The following TBX5 variants were observed in gnomAD, a reference collection of about 807,000 sequenced individuals.
TBX5 encodes the protein T-box transcription factor 5.
A neutral mutation model predicts 51.1 loss-of-function variants in TBX5; 8 were observed. The ratio of observed to expected loss-of-function variants is 0.16; its 90% confidence interval spans 0.09 to 0.28. TBX5 has a LOEUF of 0.28. Among genes scored for constraint, TBX5 ranks in the 10% least tolerant of loss-of-function variants. The pLI, the probability that TBX5 is intolerant of heterozygous loss-of-function variation, is 1.00. For synonymous variants in TBX5, 302 were observed against 266.4 expected (o/e 1.13, Z -1.30); for missense variants, 589 against 671.7 (o/e 0.88, Z 1.36).
In TBX5 at chr12:114,357,586, T is replaced by C. The variant is rs11067071; in HGVS notation, c.983-1480A>G. Among the ~76,000 whole-genome samples, 2,645 of 152,304 alleles carry C rather than the reference T, an allele frequency of 0.017. 327 individuals carry two copies. The East Asian group carries it at 0.35, about 20-fold the overall frequency. ...CTAAGATTGAGCATGTAAAGTCTCCTGATTTCCGTCAACATGAACAGCTCT... is the reference window on the plus strand; with the variant it reads ...CTAAGATTGAGCATGTAAAGTCTCCCGATTTCCGTCAACATGAACAGCTCT... On this transcript the variant is annotated intron_variant, in intron 8 of 8. Transcript: ENST00000405440.
intron 2 of TBX5, among the ~76,000 whole-genome samples, chr12:114,403,216 G>A (rs1420965398): frequency 6.6e-5 from 10 of 152,246 alleles, no homozygotes; most frequent in South Asian, 2.1e-4. Flanking sequence ...AGCCAGCCAG[G>A]CCCCGACCGC....
At chr12:114,364,788 T>A (rs1054642823) in intron 8 of TBX5, among the ~76,000 whole-genome samples, 18 of 152,148 alleles carry the variant, frequency 1.2e-4, no homozygotes, top group Non-Finnish European at 2.9e-5. Flanking sequence ...AGGAAACATA[T>A]CATTTACAAA....
intron 8 of TBX5, among the ~76,000 whole-genome samples, chr12:114,358,682 G>T (rs1869056240): frequency 6.6e-6 from 1 of 152,058 alleles, no homozygotes; most frequent in Non-Finnish European, 1.5e-5. Context: ...ACTCTTCCAG[G>T]TGTTCTATCT....
intron 8 of TBX5, among the ~76,000 whole-genome samples, chr12:114,361,234 G>A (rs558301727): frequency 6.6e-6 from 1 of 152,260 alleles, no homozygotes; most frequent in South Asian, 2.1e-4. Context: ...ACTGCTGCAG[G>A]GAACTGGAGA....
chr12:114,369,301 C>T (rs1869726120), intron 7 of TBX5, among the ~76,000 whole-genome samples: 2 of 152,182 alleles, frequency 1.3e-5, no homozygotes, highest in Non-Finnish European at 2.9e-5. Flanking sequence ...CAAAATTGCT[C>T]TCTGGAAAGG....
intron 6 of TBX5, among the ~76,000 whole-genome samples, chr12:114,388,253 G>T (rs1224012687): frequency 6.6e-6 from 1 of 152,192 alleles, no homozygotes. Context: ...CACCTCCCAG[G>T]TTCAAGCAAT....
intron 6 of TBX5, among the ~76,000 whole-genome samples, chr12:114,386,371 C>T (rs1004060310): frequency 5.3e-5 from 8 of 152,202 alleles, no homozygotes; most frequent in Middle Eastern, 6.8e-3. Flanking sequence ...GGCAACCATA[C>T]GGAGTTTGCC....
In TBX5 at chr12:114,355,111, A is replaced by G; in HGVS notation, c.*421T>C. On this transcript the variant is annotated 3_prime_UTR_variant, in exon 9 of 9. Transcript: ENST00000405440. ...GAAAGAAAAAAATATATTATCATTTATTATATAACAATGTCAACATTAACA... is the reference window on the plus strand; with the variant it reads ...GAAAGAAAAAAATATATTATCATTTGTTATATAACAATGTCAACATTAACA... 1 of 206,134 alleles carries G rather than the reference A, an allele frequency of 4.9e-6. No individual in the cohort carries two copies. Among genetic ancestry groups the G allele is most frequent in the South Asian group, 7.9e-5 (1 of 12,734 alleles). The allele number at this position is 206,134 out of a possible 1,614,324, so 12.8% of individuals were successfully genotyped here.
intron 8 of TBX5, among the ~76,000 whole-genome samples, chr12:114,356,488 G>A (rs373205582): frequency 6.6e-6 from 1 of 152,206 alleles, no homozygotes; most frequent in African/African-American, 2.4e-5. Context: ...CCAGCTGCTC[G>A]GGAGGCCAAG....
intron 6 of TBX5, among the ~76,000 whole-genome samples, chr12:114,390,311 G>A (rs1297485671): frequency 1.3e-5 from 2 of 152,206 alleles, no homozygotes; most frequent in Non-Finnish European, 2.9e-5. Flanking sequence ...TATGCTGTGT[G>A]TTAGATCATG....
Position 114,355,980 on chromosome 12 carries a change from G to A in TBX5, c.1109C>T (p.Thr370Ile). 6.2e-7 allele frequency: 1 copy of A among 1,614,120 alleles called. No individual in the cohort carries two copies. Among genetic ancestry groups the A allele is most frequent in the South Asian group, 1.1e-5 (1 of 91,082 alleles). Residue 370 changes from threonine to isoleucine, a missense_variant, in exon 9 of 9, where the codon ACA becomes ATA. Physicochemically the swap from Thr to Ile is moderately conservative, Grantham distance 89 (BLOSUM62 -1). This residue lies in a region of TBX5 where 348 missense variants were observed against 360.4 expected (regional missense o/e 0.97). Transcript: ENST00000405440. ...QQQGLGASYR[T>I]ESAQRQACMY... ...GCAAGCTTGCCGCTGTGCCGACTCTGTCCTGTAGGAGGCACCCAGGCCCTG... is the reference window on the plus strand; with the variant it reads ...GCAAGCTTGCCGCTGTGCCGACTCTATCCTGTAGGAGGCACCCAGGCCCTG...
At chr12:114,366,787 C>T (rs1869563934) in intron 7 of TBX5, among the ~76,000 whole-genome samples, 1 of 152,120 alleles carries the variant, frequency 6.6e-6, no homozygotes, top group Admixed American at 6.5e-5. Context: ...TTAGACTTAA[C>T]CTGTGGGTGT....
upstream of TBX5, among the ~76,000 whole-genome samples, chr12:114,407,419 G>A (rs563429082): frequency 6.6e-6 from 1 of 152,180 alleles, no homozygotes; most frequent in Admixed American, 6.5e-5. Context: ...AGGCTGAACC[G>A]CTACATCTCC....
intron 7 of TBX5, among the ~76,000 whole-genome samples, chr12:114,380,863 C>G (rs1257913178): frequency 6.8e-6 from 1 of 147,078 alleles, no homozygotes; most frequent in African/African-American, 2.5e-5. Context: ...AAAAAAAACT[C>G]CTTTGTCACC....
rs557183241 is a variant in TBX5 at position 114,394,848 on chromosome 12, C to T, written c.556G>A (p.Val186Met). The T allele has an allele frequency of 3.1e-6, 5 of 1,613,968 alleles. No individual in the cohort carries two copies. The highest frequency in any genetic ancestry group is 2.7e-5 in the African/African-American group (2 of 74,962). The change falls in exon 6 of 9, where the codon GTG becomes ATG. Residue 186 changes from valine (V) to methionine (M), a missense_variant. Val to Met is a conservative substitution (Grantham distance 21, BLOSUM62 1). Transcript: ENST00000405440. ...AATCCATTATTTTCATCCGCTTTCACGATGTGTAATCTAGGCTGGTATTTG... is the reference window on the plus strand; with the variant it reads ...AATCCATTATTTTCATCCGCTTTCATGATGTGTAATCTAGGCTGGTATTTG... ...MHKYQPRLHIVKADENNGFGS... is the reference protein window; with the variant it reads ...MHKYQPRLHIMKADENNGFGS...
intron 3 of TBX5, among the ~76,000 whole-genome samples, chr12:114,401,247 G>C (rs1187095214): frequency 6.6e-6 from 1 of 152,180 alleles, no homozygotes; most frequent in African/African-American, 2.4e-5. Context: ...TCTGTATATA[G>C]AGCCCGGCCG....
chr12:114,399,493 C>T lies in TBX5; in HGVS notation c.362+20G>A. The T allele has an allele frequency of 6.2e-7, 1 of 1,614,002 alleles. No individual in the cohort carries two copies. The highest frequency in any genetic ancestry group is 8.5e-7 in the Non-Finnish European group (1 of 1,179,986). The stretch of plus-strand genomic sequence containing the variant: ...TCCACTTTTCTCTCTCCCCGCTCCA[C>T]CTGCCACCCCAGTGCCTACCATTTA... On this transcript the variant is annotated intron_variant, in intron 4 of 8. Coordinates refer to ENST00000405440, the MANE Select transcript of TBX5 (RefSeq NM_181486.4).
intron 7 of TBX5, among the ~76,000 whole-genome samples, chr12:114,369,913 G>A (rs1289293641): frequency 1.3e-5 from 2 of 151,940 alleles, no homozygotes; most frequent in Non-Finnish European, 2.9e-5. Flanking sequence ...TTTGATCCTG[G>A]CAAGAACCTC....
At chr12:114,361,524 G>C (rs1869239494) in intron 8 of TBX5, among the ~76,000 whole-genome samples, 1 of 152,150 alleles carries the variant, frequency 6.6e-6, no homozygotes. Context: ...ATTGATAAAA[G>C]ACCTTCCCAG....
Sources: gnomAD v4.1 joint callset for allele counts (sites outside exome capture counted in the v4.1 genomes callset) on GRCh38, gnomAD v4.1.1 for gene constraint, gnomAD v4.1.1 regional missense constraint, MANE v1.5 for transcripts, NCBI Gene and HGNC (gene_info 2026-07-23, HGNC 2026-07-21) for gene names.